Variants in ZBED5 observed in about 807,000 individuals in gnomAD.
ZBED5 encodes zinc finger BED domain-containing protein 5.
A neutral mutation model predicts 49.2 loss-of-function variants in ZBED5; 29 were observed. That is an observed-to-expected ratio of 0.59 (90% CI 0.44 to 0.80). The LOEUF (loss-of-function observed/expected upper bound fraction) is 0.80, where lower values mean the gene tolerates loss of function less well. ZBED5 is among the 30% of genes least tolerant of loss of function. The probability of loss-of-function intolerance (pLI) is 0.00; values close to 1 mark genes in which losing one functional copy is unlikely to be tolerated. For missense variants in ZBED5, 775 were observed against 812.9 expected (o/e 0.95, Z 0.57); for synonymous variants, 281 against 292.5 (o/e 0.96, Z 0.40).
chr11:10,855,378 A>G lies in ZBED5; in HGVS notation c.-141-292T>C, dbSNP rs1371199166. Among the ~76,000 whole-genome samples, 1 of 152,202 alleles carries G rather than the reference A, an allele frequency of 6.6e-6. No individual in the cohort carries two copies. The highest frequency in any genetic ancestry group is 1.5e-5 in the Non-Finnish European group (1 of 68,028). ...GGCAGGCTTTTTTTGGTCAAGGGCCATATAGTCTCTGTTGCAACTACTCAA... is the reference window on the plus strand; with the variant it reads ...GGCAGGCTTTTTTTGGTCAAGGGCCGTATAGTCTCTGTTGCAACTACTCAA... On this transcript the variant is annotated intron_variant, in intron 2 of 2. Transcript: ENST00000413761. This position sits in a 1 kb window ranked among gnomAD's most constrained non-coding sequence, Gnocchi z 4.1.
Position 10,854,273 on chromosome 11 carries a change from C to A in ZBED5, c.673G>T (p.Val225Leu). ...TGTTCATCAAACATCCGCATCACTA[C>A]ATCTTTTGCACAAGGTTTGATAAGC... is the stretch of plus-strand genomic sequence containing the variant. ...ELLIKPCAKDVVMRMFDEQYS... is the reference protein window; with the variant it reads ...ELLIKPCAKDLVMRMFDEQYS... Residue 225 changes from valine to leucine, a missense_variant, in exon 3 of 3, where the codon GTA (valine) becomes TTA (leucine). Val to Leu is a conservative substitution (Grantham distance 32). Coordinates refer to ENST00000413761, the MANE Select transcript of ZBED5 (RefSeq NM_001143667.2). This position sits in a 1 kb window ranked among gnomAD's most constrained non-coding sequence, Gnocchi z 5.0. The A allele has an allele frequency of 6.4e-7, 1 of 1,551,160 alleles. No homozygotes were observed.
chr11:10,857,140 A>G lies in ZBED5; in HGVS notation c.-256+722T>C, dbSNP rs929012071. On this transcript the variant is annotated intron_variant, in intron 1 of 2. Transcript: ENST00000413761. This position sits in a 1 kb window ranked among gnomAD's most constrained non-coding sequence, Gnocchi z 6.3. ...ACTCTGTGGAGCTGCTGGTTCACGT[A>G]AAAGATCAGGATCCCTCTCGTTGCC... The G allele has an allele frequency of 3.3e-5, 5 of 152,224 alleles. No homozygotes were observed. Among genetic ancestry groups the G allele is most frequent in the African/African-American group, 1.2e-4 (5 of 41,462 alleles). 9.4% of individuals were successfully genotyped at this position (152,224 alleles called of 1,614,324 possible).
chr11:10,856,786 C>A (rs1347844783), intron 1 of ZBED5, among the ~76,000 whole-genome samples: 3 of 152,148 alleles, frequency 2.0e-5, no homozygotes, highest in Non-Finnish European at 4.4e-5. Context: ...TTATTAATAA[C>A]CCCACTTTAG....
At position 10,852,852 on chromosome 11, in the gene ZBED5, A is replaced by G; in HGVS notation, c.*12T>C. On this transcript the variant is annotated 3_prime_UTR_variant, in exon 3 of 3. Transcript: ENST00000413761. ...CATTTGGTTATCATGAGACATGCAA[A>G]CTCCTCCAATTTTAATGAGAACAGT... The G allele has an allele frequency of 6.6e-7, 1 of 1,508,718 alleles. No homozygotes were observed. Among genetic ancestry groups the G allele is most frequent in the Non-Finnish European group, 8.9e-7 (1 of 1,119,042 alleles). The allele number at this position is 1,508,718 out of a possible 1,614,324, so 93.5% of individuals were successfully genotyped here.
Position 10,853,296 on chromosome 11 carries a change from C to T in ZBED5, c.1650G>A (p.Val550=). ...TVDKDICSAI[V]QHLRGLRATL... is the part of the protein sequence containing the mutation. ...TAGCGCGCAAACCCCTTAGGTGCTG[C>T]ACAATGGCACTGCAAATATCTTTAT... The change falls in exon 3 of 3, where the codon GTG becomes GTA. Residue 550 remains valine (V), a synonymous_variant. Coordinates refer to ENST00000413761, the MANE Select transcript of ZBED5 (RefSeq NM_001143667.2). The surrounding 1 kb of genome is among the most constrained non-coding windows in gnomAD (Gnocchi z 5.4). The T allele has an allele frequency of 1.3e-6, 2 of 1,551,598 alleles. No homozygotes were observed. Among genetic ancestry groups the T allele is most frequent in the Non-Finnish European group, 1.7e-6 (2 of 1,146,948 alleles).
chr11:10,856,867 A>G (rs183077690), intron 1 of ZBED5, among the ~76,000 whole-genome samples: 37 of 152,318 alleles, frequency 2.4e-4, no homozygotes, highest in Admixed American at 2.1e-3. Flanking sequence ...TCAGAGCCCA[A>G]AAAGTTTGAC....
Position 10,854,802 on chromosome 11 carries a change from T to G in ZBED5, c.144A>C (p.Glu48Asp), listed in dbSNP as rs1373423059. ...LLLKQGSLKQ[E>D]VESFCYQIVS... ...CAATCTGATAACAGAAAGATTCCACTTCTTGTTTAAGACTTCCTTGTTTCA... is the reference window on the plus strand; with the variant it reads ...CAATCTGATAACAGAAAGATTCCACGTCTTGTTTAAGACTTCCTTGTTTCA... Residue 48 changes from glutamate (E) to aspartate (D), a missense_variant, in exon 3 of 3, where the codon GAA (glutamate) becomes GAC (aspartate). By Grantham distance (45) the Glu-to-Asp change is conservative. Transcript: ENST00000413761. The surrounding 1 kb of genome is among the most constrained non-coding windows in gnomAD (Gnocchi z 5.0). The G allele has an allele frequency of 3.9e-6, 6 of 1,552,002 alleles. No individual in the cohort carries two copies. The highest frequency in any genetic ancestry group is 5.2e-6 in the Non-Finnish European group (6 of 1,147,048).
In ZBED5 at chr11:10,854,991, G is replaced by T. The variant is rs1420707485; in HGVS notation, c.-46C>A. 2.6e-6 allele frequency: 4 copies of T among 1,522,418 alleles called. No homozygotes were observed. In the East Asian group the frequency reaches 9.8e-5, roughly 37 times the overall value. The allele number at this position is 1,522,418 out of a possible 1,614,324, so 94.3% of individuals were successfully genotyped here. On this transcript the variant is annotated 5_prime_UTR_variant, in exon 3 of 3. Transcript: ENST00000413761. The surrounding 1 kb of genome is among the most constrained non-coding windows in gnomAD (Gnocchi z 5.0). Reference sequence around the variant, plus strand: ...ACACATCAGTTAATTTGTAAATGCTGCCTATTCATCAATGCGCAGATGGAA... The same window carrying T: ...ACACATCAGTTAATTTGTAAATGCTTCCTATTCATCAATGCGCAGATGGAA...
rs1387973712 is a variant in ZBED5 at position 10,853,593 on chromosome 11, A to C, written c.1353T>G (p.Leu451=). The change falls in exon 3 of 3, where the codon CTT becomes CTG. Residue 451 remains leucine (L), a synonymous_variant. Coordinates refer to ENST00000413761, the MANE Select transcript of ZBED5 (RefSeq NM_001143667.2). This position sits in a 1 kb window ranked among gnomAD's most constrained non-coding sequence, Gnocchi z 5.4. ...GAAAAGCAGAATCCATGAAAACCAA[A>C]AGTTCACGACGAAGTTCAAAAAGTC... ...LVRLFELRRE[L]LVFMDSAFRL... 4 of 1,550,946 alleles carry C rather than the reference A, an allele frequency of 2.6e-6. No homozygotes were observed.
rs1848163421 is a variant in ZBED5 at position 10,855,145 on chromosome 11, A to G, written c.-141-59T>C. On this transcript the variant is annotated intron_variant, in intron 2 of 2. Coordinates refer to ENST00000413761, the MANE Select transcript of ZBED5 (RefSeq NM_001143667.2). The surrounding 1 kb of genome is among the most constrained non-coding windows in gnomAD (Gnocchi z 4.1). ...TATAGAAATGAGTTTAGCAGTCTTA[A>G]TCTCATATTTAAATAAACATATTAA... 3.8e-6 allele frequency: 2 copies of G among 522,374 alleles called. No individual in the cohort carries two copies. The highest frequency in any genetic ancestry group is 3.2e-6 in the Non-Finnish European group (1 of 310,422). The allele number at this position is 522,374 out of a possible 1,614,324, so 32.4% of individuals were successfully genotyped here.
At position 10,853,995 on chromosome 11, in the gene ZBED5, A is replaced by G. The variant is rs1434240361; in HGVS notation, c.951T>C (p.Gly317=). 2.6e-6 allele frequency: 4 copies of G among 1,551,434 alleles called. No individual in the cohort carries two copies. The highest frequency in any genetic ancestry group is 3.5e-6 in the Non-Finnish European group (4 of 1,146,916). The change falls in exon 3 of 3, where the codon GGT becomes GGC. Residue 317 remains glycine, a synonymous_variant. Transcript: ENST00000413761. This position sits in a 1 kb window ranked among gnomAD's most constrained non-coding sequence, Gnocchi z 5.4. ...TGTTGATACAGTTGAATATTTCTTC[A>G]CCGGTAGCATTACTTTGCAAAGATT... ...LCESLQSNAT[G]EEIFNCINSF...
chr11:10,853,263 T>C lies in ZBED5; in HGVS notation c.1683A>G (p.Leu561=). Reference sequence around the variant, plus strand: ...TGTCATTTGTTACAGGAAAGTATTTTAACAGAGTAGCGCGCAAACCCCTTA... The same window carrying C: ...TGTCATTTGTTACAGGAAAGTATTTCAACAGAGTAGCGCGCAAACCCCTTA... ...QHLRGLRATL[L]KYFPVTNDNN... The change falls in exon 3 of 3, where the codon TTA becomes TTG. Residue 561 remains leucine (L), a synonymous_variant. Coordinates refer to ENST00000413761, the MANE Select transcript of ZBED5 (RefSeq NM_001143667.2). The surrounding 1 kb of genome is among the most constrained non-coding windows in gnomAD (Gnocchi z 5.4). The C allele has an allele frequency of 6.4e-7, 1 of 1,551,590 alleles. No individual in the cohort carries two copies. Among genetic ancestry groups the C allele is most frequent in the Non-Finnish European group, 8.7e-7 (1 of 1,146,902 alleles).
chr11:10,853,775 C>T lies in ZBED5; in HGVS notation c.1171G>A (p.Val391Met). 1 of 1,551,584 alleles carries T rather than the reference C, an allele frequency of 6.4e-7. No homozygotes were observed. Among genetic ancestry groups the T allele is most frequent in the Non-Finnish European group, 8.7e-7 (1 of 1,146,918 alleles). Residue 391 changes from valine to methionine, a missense_variant, in exon 3 of 3, where the codon GTG becomes ATG. Coordinates refer to ENST00000413761, the MANE Select transcript of ZBED5 (RefSeq NM_001143667.2). This position sits in a 1 kb window ranked among gnomAD's most constrained non-coding sequence, Gnocchi z 5.4. The part of the protein sequence containing the change: ...VKIMPTSLKN[V>M]LDQAVQIINY... ...ATGATTTGTACTGCCTGGTCTAGCA[C>T]ATTTTTTAGAGATGTAGGCATTATT...
In ZBED5 at chr11:10,853,739, T is replaced by C. The variant is rs1848135624; in HGVS notation, c.1207A>G (p.Lys403Glu). 1.3e-6 allele frequency: 2 copies of C among 1,551,532 alleles called. No homozygotes were observed. The highest frequency in any genetic ancestry group is 3.9e-5 in the Admixed American group (2 of 50,976). The part of the protein sequence containing the change: ...DQAVQIINYI[K>E]ARPHQSRLLK... ...AGTCTGGATTGATGTGGTCGAGCTT[T>C]AATATAATTGATGATTTGTACTGCC... Residue 403 changes from lysine (K) to glutamate (E), a missense_variant, in exon 3 of 3, where the codon AAA becomes GAA. Physicochemically the swap from Lys to Glu is moderately conservative, Grantham distance 56. Transcript: ENST00000413761. The surrounding 1 kb of genome is among the most constrained non-coding windows in gnomAD (Gnocchi z 5.4).
chr11:10,853,581 C>T lies in ZBED5; in HGVS notation c.1365G>A (p.Met455Ile). The T allele has an allele frequency of 1.3e-6, 2 of 1,550,676 alleles. No individual in the cohort carries two copies. The highest frequency in any genetic ancestry group is 1.7e-6 in the Non-Finnish European group (2 of 1,146,570). Reference protein sequence around the residue: ...FELRRELLVFMDSAFRLSDCL... With the variant: ...FELRRELLVFIDSAFRLSDCL... ...AATCAGATAGTCGAAAAGCAGAATC[C>T]ATGAAAACCAAAAGTTCACGACGAA... The change falls in exon 3 of 3, where the codon ATG becomes ATA. Residue 455 changes from methionine to isoleucine, a missense_variant. Coordinates refer to ENST00000413761, the MANE Select transcript of ZBED5 (RefSeq NM_001143667.2). This position sits in a 1 kb window ranked among gnomAD's most constrained non-coding sequence, Gnocchi z 5.4.
Position 10,854,965 on chromosome 11 carries a change from AAC to A in ZBED5, c.-22_-21del. ...AATCATCAAAGAGATGATATACAGC[AAC>A]ACATCAGTTAATTTGTAAATGCTGC... On this transcript the variant is annotated 5_prime_UTR_variant, in exon 3 of 3. Coordinates refer to ENST00000413761, the MANE Select transcript of ZBED5 (RefSeq NM_001143667.2). This position sits in a 1 kb window ranked among gnomAD's most constrained non-coding sequence, Gnocchi z 5.0. The A allele has an allele frequency of 6.5e-7, 1 of 1,538,366 alleles. No individual in the cohort carries two copies. Among genetic ancestry groups the A allele is most frequent in the South Asian group, 1.2e-5 (1 of 82,852 alleles).
chr11:10,854,535 T>C lies in ZBED5; in HGVS notation c.411A>G (p.Lys137=), dbSNP rs1194994015. 4.5e-6 allele frequency: 7 copies of C among 1,551,564 alleles called. No individual in the cohort carries two copies. The Admixed American group carries it at 5.9e-5, about 13-fold the overall frequency. Residue 137 remains lysine, a synonymous_variant, in exon 3 of 3, where the codon AAA becomes AAG. Transcript: ENST00000413761. This position sits in a 1 kb window ranked among gnomAD's most constrained non-coding sequence, Gnocchi z 5.0. ...GGGCTAAAGAGCTATTTGATAAAAT[T>C]TTCTTACATAATACACACTGAGCAT... ...APHAQCVLCK[K]ILSNSSLAPS...
Position 10,854,448 on chromosome 11 carries a change from G to A in ZBED5, c.498C>T (p.Ser166=). 1 of 1,551,284 alleles carries A rather than the reference G, an allele frequency of 6.4e-7. No individual in the cohort carries two copies. The highest frequency in any genetic ancestry group is 8.7e-7 in the Non-Finnish European group (1 of 1,146,858). ...GTGAATCGAGATGTTGCTTGAAAAA[G>A]CTTATGTCTTTGTCTTTATATGCAG... ...KHAAYKDKDI[S]FFKQHLDSPE... is the part of the protein sequence containing the mutation. The change falls in exon 3 of 3, where the codon AGC becomes AGT. Residue 166 remains serine, a synonymous_variant. Transcript: ENST00000413761. The surrounding 1 kb of genome is among the most constrained non-coding windows in gnomAD (Gnocchi z 5.0).
rs1590063095 is a variant in ZBED5 at position 10,857,911 on chromosome 11, G to C, written c.-305C>G. ...AACAGCCAGTCGTCGTGGACTGGAG[G>C]GGGAGGGGAGAGAGGGAGGGGAATG... is the stretch of plus-strand genomic sequence containing the variant. On this transcript the variant is annotated 5_prime_UTR_variant, in exon 1 of 3. Transcript: ENST00000413761. The surrounding 1 kb of genome is among the most constrained non-coding windows in gnomAD (Gnocchi z 6.3). 1 of 156,926 alleles carries C rather than the reference G, an allele frequency of 6.4e-6. No individual in the cohort carries two copies. The highest frequency in any genetic ancestry group is 1.4e-5 in the Non-Finnish European group (1 of 71,358). 9.7% of individuals were successfully genotyped at this position (156,926 alleles called of 1,614,324 possible). A position where few individuals can be genotyped will look rare whatever the true frequency, so the allele number is the denominator to read the frequency against.
Sources: gnomAD v4.1 joint callset for allele counts (sites outside exome capture counted in the v4.1 genomes callset) on GRCh38, gnomAD v4.1.1 for gene constraint, Gnocchi (gnomAD v3.1) non-coding constraint, MANE v1.5 for transcripts, NCBI Gene and HGNC (gene_info 2026-07-23, HGNC 2026-07-21) for gene names.